NRXN3: variants seen among roughly 807,000 people sequenced by gnomAD.
NRXN3 encodes the protein neurexin 3, also known as neurexin III.
In NRXN3, 32 loss-of-function variants were observed where a neutral mutation model predicts 137.6. The observed-to-expected ratio is 0.23, with a 90% CI of 0.18 to 0.31. The LOEUF is 0.31. Among genes scored for constraint, NRXN3 ranks in the 10% least tolerant of loss-of-function variants. The pLI, the probability that NRXN3 is intolerant of heterozygous loss-of-function variation, is 1.00. For synonymous variants in NRXN3, 798 were observed against 784.5 expected (o/e 1.02, Z -0.29); for missense variants, 1,574 against 2,062.5 (o/e 0.76, Z 4.59).
intron 15 of NRXN3, among the ~76,000 whole-genome samples, chr14:79,139,113 T>A (rs958229675): frequency 6.6e-6 from 1 of 152,226 alleles, no homozygotes; most frequent in African/African-American, 2.4e-5. Flanking sequence ...TGCCTTTGAA[T>A]GAGTAATGAC....
intron 8 of NRXN3, among the ~76,000 whole-genome samples, chr14:78,745,708 T>A (rs2098604011): frequency 6.6e-6 from 1 of 152,254 alleles, no homozygotes; most frequent in African/African-American, 2.4e-5. Context: ...AGATGTTTTA[T>A]CTCATTCAGA....
chr14:79,524,688 T>A (rs950342056), intron 16 of NRXN3, among the ~76,000 whole-genome samples: 1 of 152,184 alleles, frequency 6.6e-6, no homozygotes, highest in African/African-American at 2.4e-5. Context: ...CTTCCAAAGA[T>A]TCTCTGAAAA....
chr14:79,150,325 C>T (rs373997554), intron 15 of NRXN3, among the ~76,000 whole-genome samples: 111 of 152,070 alleles, frequency 7.3e-4, no homozygotes, highest in African/African-American at 2.6e-3. Flanking sequence ...TGGTGGTTGC[C>T]TATAGCTGTC....
intron 20 of NRXN3, among the ~76,000 whole-genome samples, chr14:79,845,912 C>CGGAGACAGAGAGAGAT (rs2099368430): frequency 7.1e-6 from 1 of 141,430 alleles, no homozygotes; most frequent in Non-Finnish European, 1.5e-5. Flanking sequence ...GAGAGAGAGA[C>CGGAGACAGAGAGAGAT]GGAGACAGAG....
At chr14:78,604,623 A>C (rs2097231967) in intron 4 of NRXN3, among the ~76,000 whole-genome samples, 1 of 152,196 alleles carries the variant, frequency 6.6e-6, no homozygotes, top group Non-Finnish European at 1.5e-5. Flanking sequence ...TTGGCCCTGC[A>C]AAGGATTTTA....
chr14:78,288,278 C>T lies in NRXN3; in HGVS notation c.728-9553C>T, dbSNP rs117271777. On this transcript the variant is annotated intron_variant, in intron 3 of 20. Transcript: ENST00000335750. The stretch of plus-strand genomic sequence containing the variant: ...TACAGGTGTGAGCCACTGCACCTGG[C>T]CTGGACTCCCTTTTTCTAGATTAGA... 2.1e-3 allele frequency among the ~76,000 whole-genome samples: 322 copies of T among 152,256 alleles called. 6 individuals carry two copies. The East Asian group carries it at 0.051, about 24-fold the overall frequency.
intron 4 of NRXN3, among the ~76,000 whole-genome samples, chr14:78,609,065 C>T (rs756761281): frequency 6.6e-6 from 1 of 152,078 alleles, no homozygotes; most frequent in Non-Finnish European, 1.5e-5. Context: ...ATTCAGGGCA[C>T]AGCTGGGCCA....
intron 19 of NRXN3, among the ~76,000 whole-genome samples, chr14:79,722,426 C>A (rs2098847821): frequency 6.6e-6 from 1 of 152,110 alleles, no homozygotes; most frequent in African/African-American, 2.4e-5. Flanking sequence ...CTAATTCCAA[C>A]TCATATTACC....
chr14:79,535,262 A>G (rs987637774), intron 16 of NRXN3, among the ~76,000 whole-genome samples: 1 of 152,188 alleles, frequency 6.6e-6, no homozygotes, highest in Admixed American at 6.5e-5. Flanking sequence ...AAGTGAAAGC[A>G]TGTTTGTAAT....
At chr14:78,293,258 A>C (rs1017704748) in intron 3 of NRXN3, among the ~76,000 whole-genome samples, 2 of 152,128 alleles carry the variant, frequency 1.3e-5, no homozygotes, top group Non-Finnish European at 2.9e-5. Context: ...GGTGTCATTC[A>C]CTGACACAGG....
intron 10 of NRXN3, among the ~76,000 whole-genome samples, chr14:78,951,189 T>G (rs1374242360): frequency 6.6e-6 from 1 of 152,204 alleles, no homozygotes; most frequent in Non-Finnish European, 1.5e-5. Context: ...TATTTCACTT[T>G]TGGTCTAATA....
chr14:79,643,521 C>T (rs1237178600), intron 16 of NRXN3, among the ~76,000 whole-genome samples: 2 of 135,222 alleles, frequency 1.5e-5, no homozygotes, highest in African/African-American at 2.5e-5. Flanking sequence ...TCAATGACTT[C>T]CTAATACCAA....
At chr14:79,857,134 T>A (rs1392838723) in intron 20 of NRXN3, among the ~76,000 whole-genome samples, 1 of 152,220 alleles carries the variant, frequency 6.6e-6, no homozygotes, top group Non-Finnish European at 1.5e-5. Flanking sequence ...GAAAATATTA[T>A]CAGCTACTTG....
intron 15 of NRXN3, among the ~76,000 whole-genome samples, chr14:79,221,680 A>C (rs2069721467): frequency 6.6e-6 from 1 of 152,012 alleles, no homozygotes. Context: ...AGATTGCAAA[A>C]ATTTTCTCCC....
Position 79,868,016 on chromosome 14 carries a change from G to C in NRXN3, c.*6052G>C, listed in dbSNP as rs540561594. 6.6e-6 allele frequency: 1 copy of C among 151,958 alleles called. No homozygotes were observed. The highest frequency in any genetic ancestry group is 2.1e-4 in the South Asian group (1 of 4,804). The allele number at this position is 151,958 out of a possible 1,614,324, so 9.4% of individuals were successfully genotyped here. ...AGAGTCAAAATGCCATGGCTCATCT[G>C]GTACTGTAACTTAAGATAAACTGCT... On this transcript the variant is annotated 3_prime_UTR_variant, in exon 21 of 21. Coordinates refer to ENST00000335750, the MANE Select transcript of NRXN3 (RefSeq NM_001330195.2).
intron 2 of NRXN3, among the ~76,000 whole-genome samples, chr14:78,262,933 T>TC (rs2071021730): frequency 6.6e-6 from 1 of 152,100 alleles, no homozygotes; most frequent in African/African-American, 2.4e-5. Flanking sequence ...GCACAGAGAC[T>TC]TCCCGATCTA....
Position 79,740,708 on chromosome 14 carries a change from TTTTTTATATATATATA to T in NRXN3, c.4014+42773_4014+42788del, listed in dbSNP as rs1463233830. ...CCTTTCCACTGGACTTTGCATTTAG[TTTTTTATATATATATA>T]TATATATATATATATATATATATAT... On this transcript the variant is annotated intron_variant, in intron 19 of 20. Coordinates refer to ENST00000335750, the MANE Select transcript of NRXN3 (RefSeq NM_001330195.2). Among the ~76,000 whole-genome samples the T allele has an allele frequency of 3.0e-3, 104 of 35,162 alleles. 3 individuals are homozygous for T. The highest frequency in any genetic ancestry group is 0.012 in the African/African-American group (98 of 7,938). The allele number at this position is 35,162 out of a possible 152,430, so 23.1% of individuals were successfully genotyped here. A position where few individuals can be genotyped will look rare whatever the true frequency, so the allele number is the denominator to read the frequency against.
chr14:78,526,340 C>T (rs1377167961), intron 4 of NRXN3, among the ~76,000 whole-genome samples: 2 of 152,318 alleles, frequency 1.3e-5, no homozygotes, highest in South Asian at 2.1e-4. Context: ...CCCTGGGCCT[C>T]AAACTTCAAA....
intron 4 of NRXN3, among the ~76,000 whole-genome samples, chr14:78,473,500 C>T (rs1202281700): frequency 6.6e-6 from 1 of 152,044 alleles, no homozygotes; most frequent in East Asian, 1.9e-4. Context: ...ATCTGGGATA[C>T]CTGCTGAGTT....
Sources: gnomAD v4.1 joint callset for allele counts (sites outside exome capture counted in the v4.1 genomes callset) on GRCh38, gnomAD v4.1.1 for gene constraint, MANE v1.5 for transcripts, NCBI Gene and HGNC (gene_info 2026-07-23, HGNC 2026-07-21) for gene names.